The following TMEM184B variants were observed in gnomAD, a reference collection of about 807,000 sequenced individuals.
The protein encoded by TMEM184B is transmembrane protein 184B.
In TMEM184B, 17 loss-of-function variants were observed where a neutral mutation model predicts 41.8. The observed-to-expected ratio is 0.41, with a 90% CI of 0.28 to 0.61. The LOEUF is 0.61. Ranked by LOEUF, TMEM184B falls within the 20% of genes least tolerant of loss-of-function variation. TMEM184B has a pLI of 0.34. For missense variants in TMEM184B, 393 were observed against 557.8 expected (o/e 0.70, Z 2.98); for synonymous variants, 240 against 229.5 (o/e 1.05, Z -0.41).
rs1451119813 is a variant in TMEM184B, at chr22:38,243,172, T to C, written c.358+2763A>G. Among the ~76,000 whole-genome samples the C allele has an allele frequency of 2.0e-5, 3 of 151,816 alleles. No individual in the cohort carries two copies. In the East Asian group the frequency reaches 5.8e-4, roughly 29 times the overall value. On this transcript the variant is annotated intron_variant, in intron 3 of 8. Transcript: ENST00000361906. Reference sequence around the variant, plus strand: ...AAGGGATAATCGCGTTGCTAGGAGATGTGCTTCACAGGGTGGCCGACTTCC... The same window carrying C: ...AAGGGATAATCGCGTTGCTAGGAGACGTGCTTCACAGGGTGGCCGACTTCC...
Position 38,225,661 on chromosome 22 carries a change from C to A in TMEM184B, c.618-68G>T, listed in dbSNP as rs1245341340. ...AGGGAAGGGGCTCTCCTCGACTGCA[C>A]CACACACAGTCCCCATGGCTCTCAG... is the stretch of plus-strand genomic sequence containing the variant. On this transcript the variant is annotated intron_variant, in intron 6 of 8. Coordinates refer to ENST00000361906, the MANE Select transcript of TMEM184B (RefSeq NM_012264.5). This position sits in a 1 kb window ranked among gnomAD's most constrained non-coding sequence, Gnocchi z 4.4. The A allele has an allele frequency of 2.0e-6, 3 of 1,489,932 alleles. No individual in the cohort carries two copies. Among genetic ancestry groups the A allele is most frequent in the African/African-American group, 1.4e-5 (1 of 68,986 alleles). The allele number at this position is 1,489,932 out of a possible 1,614,324, so 92.3% of individuals were successfully genotyped here.
intron 5 of TMEM184B, among the ~76,000 whole-genome samples, chr22:38,228,730 G>T (rs999595170): frequency 6.6e-6 from 1 of 152,188 alleles, no homozygotes; most frequent in Non-Finnish European, 1.5e-5. Context: ...CCCTGGTAAA[G>T]AAAGGAAGAG....
rs763261821 is a variant in TMEM184B at position 38,247,832 on chromosome 22, T to C, written c.130A>G (p.Thr44Ala). The C allele has an allele frequency of 1.2e-5, 20 of 1,613,808 alleles. No homozygotes were observed. The highest frequency in any genetic ancestry group is 5.5e-5 in the South Asian group (5 of 91,024). Residue 44 changes from threonine (T) to alanine (A), a missense_variant, in exon 2 of 9, where the codon ACT becomes GCT. Around this residue, in one of 2 missense-constraint regions of TMEM184B, gnomAD observed 122 missense variants for 123.7 expected, o/e 0.99. Transcript: ENST00000361906. ...AAGCCAGAGATGGCCTGAGCGGCAGTTGTCATCAGGAACACAGGCTGCTCC... is the reference window on the plus strand; with the variant it reads ...AAGCCAGAGATGGCCTGAGCGGCAGCTGTCATCAGGAACACAGGCTGCTCC... ...AMEQPVFLMT[T>A]AAQAISGFFV... is the part of the protein sequence containing the mutation.
chr22:38,232,925 C>T (rs1412914043), intron 3 of TMEM184B, among the ~76,000 whole-genome samples: 5 of 152,186 alleles, frequency 3.3e-5, no homozygotes, highest in Non-Finnish European at 5.9e-5. Context: ...GACAAGTCCC[C>T]GGTGACCATC....
At position 38,219,721 on chromosome 22, in the gene TMEM184B, T is replaced by C; in HGVS notation, c.*1748A>G. 4.1e-6 allele frequency: 4 copies of C among 985,640 alleles called. No homozygotes were observed. The South Asian group carries it at 1.9e-4, about 46-fold the overall frequency. 61.1% of individuals were successfully genotyped at this position (985,640 alleles called of 1,614,324 possible). A position where few individuals can be genotyped will look rare whatever the true frequency, so the allele number is the denominator to read the frequency against. On this transcript the variant is annotated 3_prime_UTR_variant, in exon 9 of 9. Transcript: ENST00000361906. ...AGTGGGAATCAGCAGCACTTTGGCC[T>C]GGAGGGAGAAGGGAAGCCACGGTGG... is the stretch of plus-strand genomic sequence containing the variant.
chr22:38,264,311 G>A (rs1352725411), intron 1 of TMEM184B, among the ~76,000 whole-genome samples: 1 of 152,072 alleles, frequency 6.6e-6, no homozygotes, highest in Non-Finnish European at 1.5e-5. Context: ...TGATGTCCTG[G>A]TCCCAGGAAG....
At chr22:38,268,105 G>A (rs1480331597) in intron 1 of TMEM184B, among the ~76,000 whole-genome samples, 7 of 152,282 alleles carry the variant, frequency 4.6e-5, no homozygotes, top group East Asian at 1.9e-4. Flanking sequence ...GGCGGAGGCC[G>A]GGCAGAGTGG....
At chr22:38,264,219 G>C (rs2092412547) in intron 1 of TMEM184B, among the ~76,000 whole-genome samples, 1 of 152,224 alleles carries the variant, frequency 6.6e-6, no homozygotes, top group East Asian at 1.9e-4. Flanking sequence ...AACTCACTTG[G>C]TGCTCTGGTC....
chr22:38,225,079 G>T lies in TMEM184B; in HGVS notation c.788-100C>A. 3 of 1,335,272 alleles carry T rather than the reference G, an allele frequency of 2.2e-6. No individual in the cohort carries two copies. The highest frequency in any genetic ancestry group is 2.6e-5 in the East Asian group (1 of 38,908). The allele number at this position is 1,335,272 out of a possible 1,614,324, so 82.7% of individuals were successfully genotyped here. ...TCAGCTGCCCACATGCCCCAGTGAG[G>T]ATGTGAGCAGGGCCACAGCTGCTCC... On this transcript the variant is annotated intron_variant, in intron 7 of 8. Coordinates refer to ENST00000361906, the MANE Select transcript of TMEM184B (RefSeq NM_012264.5). The surrounding 1 kb of genome is among the most constrained non-coding windows in gnomAD (Gnocchi z 4.4).
chr22:38,224,911 C>G lies in TMEM184B; in HGVS notation c.856G>C (p.Gly286Arg). ...PKIHSARVSV[G>R]EGTVAAGYQD... is the part of the protein sequence containing the mutation. Reference sequence around the variant, plus strand: ...TAGCCGGCAGCCACGGTGCCCTCGCCCACCGACACGCGGGCCGAGTGGATT... The same window carrying G: ...TAGCCGGCAGCCACGGTGCCCTCGCGCACCGACACGCGGGCCGAGTGGATT... The change falls in exon 8 of 9, where the codon GGC becomes CGC. Residue 286 changes from glycine to arginine, a missense_variant. Gly to Arg is a moderately radical substitution (Grantham distance 125, BLOSUM62 -2). This residue lies in a region of TMEM184B where 271 missense variants were observed against 434.1 expected (regional missense o/e 0.62). Coordinates refer to ENST00000361906, the MANE Select transcript of TMEM184B (RefSeq NM_012264.5). 1 of 1,613,002 alleles carries G rather than the reference C, an allele frequency of 6.2e-7. No homozygotes were observed. The highest frequency in any genetic ancestry group is 8.5e-7 in the Non-Finnish European group (1 of 1,179,674).
Position 38,220,182 on chromosome 22 carries a change from G to A in TMEM184B, c.*1287C>T, listed in dbSNP as rs1237963372. ...GGAGCTAGTATAAGCCCAGCCTGCT[G>A]GGGGTTCCGGAGGCCCCAGGTCTAG... is the stretch of plus-strand genomic sequence containing the variant. On this transcript the variant is annotated 3_prime_UTR_variant, in exon 9 of 9. Coordinates refer to ENST00000361906, the MANE Select transcript of TMEM184B (RefSeq NM_012264.5). 2 of 985,608 alleles carry A rather than the reference G, an allele frequency of 2.0e-6. No individual in the cohort carries two copies. Among genetic ancestry groups the A allele is most frequent in the East Asian group, 2.3e-4 (2 of 8,806 alleles). 61.1% of individuals were successfully genotyped at this position (985,608 alleles called of 1,614,324 possible).
chr22:38,262,364 G>A (rs2092384031), intron 1 of TMEM184B, among the ~76,000 whole-genome samples: 1 of 152,254 alleles, frequency 6.6e-6, no homozygotes, highest in Non-Finnish European at 1.5e-5. Flanking sequence ...CAGTGCAGAA[G>A]TGGAAACTAA....
chr22:38,237,184 C>T (rs2091794618), intron 3 of TMEM184B, among the ~76,000 whole-genome samples: 1 of 152,150 alleles, frequency 6.6e-6, no homozygotes, highest in African/African-American at 2.4e-5. Context: ...GCAACGGCCA[C>T]CCTCATTCCC....
intron 1 of TMEM184B, among the ~76,000 whole-genome samples, chr22:38,253,365 T>A (rs912692619): frequency 6.6e-6 from 1 of 151,724 alleles, no homozygotes. Context: ...AGGCTAGGAG[T>A]TCGAGACCAG....
At chr22:38,271,119 G>T (rs1488264322) in intron 1 of TMEM184B, among the ~76,000 whole-genome samples, 1 of 152,192 alleles carries the variant, frequency 6.6e-6, no homozygotes, top group Non-Finnish European at 1.5e-5. Flanking sequence ...TGCTTTGGGG[G>T]AATTCACAGC....
rs1427530141 is a variant in TMEM184B, at chr22:38,225,348, A to G, written c.787+76T>C. On this transcript the variant is annotated intron_variant, in intron 7 of 8. Coordinates refer to ENST00000361906, the MANE Select transcript of TMEM184B (RefSeq NM_012264.5). The surrounding 1 kb of genome is among the most constrained non-coding windows in gnomAD (Gnocchi z 4.4). ...ACAGGCCCTACAGGCACCAGGGACC[A>G]TAAGCAGAAGGGGCAGCAGGAAGCG... 5 of 1,483,184 alleles carry G rather than the reference A, an allele frequency of 3.4e-6. No homozygotes were observed. Among genetic ancestry groups the G allele is most frequent in the African/African-American group, 2.8e-5 (2 of 70,236 alleles). The allele number at this position is 1,483,184 out of a possible 1,614,324, so 91.9% of individuals were successfully genotyped here. A position where few individuals can be genotyped will look rare whatever the true frequency, so the allele number is the denominator to read the frequency against.
At chr22:38,272,327 G>A (rs1391294685) in intron 1 of TMEM184B, among the ~76,000 whole-genome samples, 1 of 152,160 alleles carries the variant, frequency 6.6e-6, no homozygotes, top group African/African-American at 2.4e-5. Flanking sequence ...CGGTCCCTTT[G>A]GGGGCAAACA....
In TMEM184B at chr22:38,220,958, T is replaced by G. The variant is rs1244780639; in HGVS notation, c.*511A>C. Reference sequence around the variant, plus strand: ...AGGGGAGGACCACAGAGCGCCCACATCCCCACTCCTGCCCGGGGTGAGGTG... The same window carrying G: ...AGGGGAGGACCACAGAGCGCCCACAGCCCCACTCCTGCCCGGGGTGAGGTG... On this transcript the variant is annotated 3_prime_UTR_variant, in exon 9 of 9. Coordinates refer to ENST00000361906, the MANE Select transcript of TMEM184B (RefSeq NM_012264.5). 3.7e-5 allele frequency: 37 copies of G among 989,198 alleles called. No homozygotes were observed. The highest frequency in any genetic ancestry group is 4.3e-5 in the Non-Finnish European group (36 of 832,442). The allele number at this position is 989,198 out of a possible 1,614,324, so 61.3% of individuals were successfully genotyped here.
chr22:38,225,460 T>G lies in TMEM184B; in HGVS notation c.751A>C (p.Met251Leu). ...SPYSPVLKFF[M>L]VKSVIFLSFW... ...GAAAGAAAGATGACGGACTTGACCA[T>G]GAAGAACTTGAGGACGGGGCTGTAG... Residue 251 changes from methionine (M) to leucine (L), a missense_variant, in exon 7 of 9, where the codon ATG becomes CTG. By Grantham distance (15) the Met-to-Leu change is conservative. Coordinates refer to ENST00000361906, the MANE Select transcript of TMEM184B (RefSeq NM_012264.5). This position sits in a 1 kb window ranked among gnomAD's most constrained non-coding sequence, Gnocchi z 4.4. 1 of 1,576,408 alleles carries G rather than the reference T, an allele frequency of 6.3e-7. No homozygotes were observed. The highest frequency in any genetic ancestry group is 8.6e-7 in the Non-Finnish European group (1 of 1,166,216).
Sources: gnomAD v4.1 joint callset for allele counts (sites outside exome capture counted in the v4.1 genomes callset) on GRCh38, gnomAD v4.1.1 for gene constraint, gnomAD v4.1.1 regional missense constraint, Gnocchi (gnomAD v3.1) non-coding constraint, MANE v1.5 for transcripts, NCBI Gene and HGNC (gene_info 2026-07-23, HGNC 2026-07-21) for gene names.